The following NLRP2 variants were observed in gnomAD, a reference collection of about 807,000 sequenced individuals.
NLRP2 encodes the protein NLR family pyrin domain containing 2.
A neutral mutation model predicts 97.2 loss-of-function variants in NLRP2; 107 were observed. The observed-to-expected ratio is 1.10, with a 90% CI of 0.94 to 1.29. NLRP2 has a LOEUF of 1.29. Among genes scored for constraint, NLRP2 ranks in the 50% most tolerant of loss-of-function variants. The pLI, the probability that NLRP2 is intolerant of heterozygous loss-of-function variation, is 0.00. For synonymous variants in NLRP2, 663 were observed against 551.5 expected, an observed-to-expected ratio of 1.20 and a Z score of -2.83; for missense variants, 1,495 against 1,330.3, an observed-to-expected ratio of 1.12 and a Z score of -1.93.
At chr19:54,995,272 C>T (rs1042275386) in intron 11 of NLRP2, among the ~76,000 whole-genome samples, 1 of 144,562 alleles carries the variant, frequency 6.9e-6, no homozygotes, top group Non-Finnish European at 1.5e-5. Flanking sequence ...CTCACTGCAA[C>T]CTCCACCTCC....
rs117573876 is a variant in NLRP2, at chr19:54,993,786, G to A, written c.2709-483G>A. 7.1e-3 allele frequency: 1,848 copies of A among 259,766 alleles called. 22 individuals are homozygous for A. The highest frequency in any genetic ancestry group is 0.028 in the Admixed American group (552 of 19,792). The allele number at this position is 259,766 out of a possible 1,614,324, so 16.1% of individuals were successfully genotyped here. ...CGGAAGGCTGGGGCACAAGAATCGC[G>A]TGAAACCAGGAGGCGGAGGTTGAAG... is the stretch of plus-strand genomic sequence containing the variant. On this transcript the variant is annotated intron_variant, in intron 10 of 12. Transcript: ENST00000448584.
intron 10 of NLRP2, among the ~76,000 whole-genome samples, chr19:54,992,496 G>T (rs2072538137): frequency 7.4e-6 from 1 of 136,036 alleles, no homozygotes. Flanking sequence ...TAGTTTTTTT[G>T]GTTGTGTGTG....
intron 2 of NLRP2, chr19:54,973,807 TCA>T: frequency 1.7e-6 from 1 of 599,114 alleles, no homozygotes; most frequent in Non-Finnish European, 3.2e-6. Flanking sequence ...CCAATAGCGC[TCA>T]CACAGACATG....
chr19:54,990,850 G>C (rs2072429565), intron 10 of NLRP2, 178 bp downstream of exon 10: 11 of 680,596 alleles, frequency 1.6e-5, no homozygotes, highest in Non-Finnish European at 2.7e-5. Flanking sequence ...AGTAGTAGTA[G>C]AGTAGTAGTA....
chr19:54,986,328 A>C lies in NLRP2; in HGVS notation c.2366+13A>C, dbSNP rs2072084182. On this transcript the variant is annotated intron_variant, in intron 8 of 12. Transcript: ENST00000448584. ...TGCGATATCTCGGGTATATCTCTTA[A>C]TCATTAAAATCCTTCATCATACAAA... 6.2e-7 allele frequency: 1 copy of C among 1,609,540 alleles called. No homozygotes were observed. The highest frequency in any genetic ancestry group is 1.3e-5 in the African/African-American group (1 of 74,924).
At chr19:54,972,960 G>A (rs188563751) in intron 2 of NLRP2, among the ~76,000 whole-genome samples, 65 of 152,168 alleles carry the variant, frequency 4.3e-4, no homozygotes, top group Middle Eastern at 3.4e-3. Context: ...AGGCCAAGGC[G>A]GGTGGATCAC....
At chr19:54,969,970 C>T (rs1432051256) in intron 1 of NLRP2, 29 bp from the exon 2 acceptor site, 2 of 1,607,932 alleles carry the variant, frequency 1.2e-6, no homozygotes, top group Admixed American at 1.7e-5. Context: ...CACCATCCCT[C>T]TCCACTCCTC....
In NLRP2 at chr19:54,993,634, C is replaced by T. The variant is rs139247654; in HGVS notation, c.2709-635C>T. 3.1e-5 allele frequency: 5 copies of T among 161,012 alleles called. No homozygotes were observed. In the East Asian group the frequency reaches 8.9e-4, roughly 29 times the overall value. The allele number at this position is 161,012 out of a possible 1,614,324, so 10.0% of individuals were successfully genotyped here. A position where few individuals can be genotyped will look rare whatever the true frequency, so the allele number is the denominator to read the frequency against. On this transcript the variant is annotated intron_variant, in intron 10 of 12. Transcript: ENST00000448584. ...CCAGGGTGGGCAGATCATCTGAGGT[C>T]GGGAGTTCAAGACCAGCCTGGCCAA...
At chr19:54,997,891 T>C (rs1000863419) in intron 12 of NLRP2, among the ~76,000 whole-genome samples, 1 of 151,042 alleles carries the variant, frequency 6.6e-6, no homozygotes, top group African/African-American at 2.4e-5. Context: ...CCTGAGTAGG[T>C]AGGTTTATAA....
At chr19:54,985,002 T>C in intron 6 of NLRP2, 45 bp from the exon 7 acceptor site, 1 of 1,596,218 alleles carries the variant, frequency 6.3e-7, no homozygotes, top group Non-Finnish European at 8.6e-7. Context: ...ACTTCAGCCG[T>C]GATGGACACA....
Position 54,974,519 on chromosome 19 carries a change from T to G in NLRP2, c.300T>G (p.Phe100Leu), listed in dbSNP as rs777429529. 1.9e-6 allele frequency: 3 copies of G among 1,611,590 alleles called. No individual in the cohort carries two copies. The highest frequency in any genetic ancestry group is 8.5e-7 in the Non-Finnish European group (1 of 1,177,702). ...DEVREAALKSFNKRKPLSLGI... is the reference protein window; with the variant it reads ...DEVREAALKSLNKRKPLSLGI... ...TTTCAGAAGCAGCTTTGAAATCCTT[T>G]AATAAAAGGAAGCCTCTATCATTAG... Residue 100 changes from phenylalanine (F) to leucine (L), a missense_variant, in exon 3 of 13, where the codon TTT (phenylalanine) becomes TTG (leucine). Phe to Leu is a conservative substitution (Grantham distance 22, BLOSUM62 0). Transcript: ENST00000448584.
At position 54,982,188 on chromosome 19, in the gene NLRP2, T is replaced by C. The variant is rs2071617394; in HGVS notation, c.490T>C (p.Leu164=). Residue 164 remains leucine, a synonymous_variant, in exon 6 of 13, where the codon TTG becomes CTG. Coordinates refer to ENST00000448584, the MANE Select transcript of NLRP2 (RefSeq NM_017852.5). ...CAAAGACAATAGGTGCAGGTATATATTGAAGACGAAGTTCCGGGAGATGTG... is the reference window on the plus strand; with the variant it reads ...CAAAGACAATAGGTGCAGGTATATACTGAAGACGAAGTTCCGGGAGATGTG... ...PDKDNRCRYI[L]KTKFREMWKS... 4.3e-6 allele frequency: 7 copies of C among 1,614,120 alleles called. No individual in the cohort carries two copies. Among genetic ancestry groups the C allele is most frequent in the Non-Finnish European group, 5.9e-6 (7 of 1,180,038 alleles).
intron 12 of NLRP2, among the ~76,000 whole-genome samples, chr19:54,999,367 G>A (rs1041259636): frequency 1.0e-3 from 159 of 152,126 alleles, no homozygotes; most frequent in African/African-American, 3.7e-3. Context: ...GGCTGGTCTC[G>A]AACTCCTGAC....
At position 54,982,152 on chromosome 19, in the gene NLRP2, A is replaced by C; in HGVS notation, c.464-10A>C. Reference sequence around the variant, plus strand: ...ATCCTCTCTCCCTTCCCTCCTCACCAATGATAAAGACAAAGACAATAGGTG... The same window carrying C: ...ATCCTCTCTCCCTTCCCTCCTCACCCATGATAAAGACAAAGACAATAGGTG... On this transcript the variant is annotated splice_polypyrimidine_tract_variant and intron_variant, in intron 5 of 12. Coordinates refer to ENST00000448584, the MANE Select transcript of NLRP2 (RefSeq NM_017852.5). 6.2e-7 allele frequency: 1 copy of C among 1,613,988 alleles called. No individual in the cohort carries two copies. The highest frequency in any genetic ancestry group is 1.1e-5 in the South Asian group (1 of 91,076).
intron 7 of NLRP2, among the ~76,000 whole-genome samples, chr19:54,985,694 A>G (rs562903740): frequency 1.1e-3 from 145 of 135,684 alleles, no homozygotes; most frequent in East Asian, 6.1e-3. Context: ...AAAAAAAAAA[A>G]AAAAGAAAAA....
intron 10 of NLRP2, among the ~76,000 whole-genome samples, chr19:54,992,041 T>G (rs1048639558): frequency 6.7e-6 from 1 of 149,774 alleles, no homozygotes; most frequent in Admixed American, 6.7e-5. Context: ...CTCAGCCTCC[T>G]GAGTAGCTGG....
chr19:54,985,635 GCC>G (rs1396261812), intron 7 of NLRP2, among the ~76,000 whole-genome samples: 1 of 137,364 alleles, frequency 7.3e-6, no homozygotes, highest in Non-Finnish European at 1.5e-5. Flanking sequence ...CCAAGATCCT[GCC>G]ACTGGACTCC....
Position 54,970,370 on chromosome 19 carries a change from G to A in NLRP2, c.280+75G>A, listed in dbSNP as rs746604024. On this transcript the variant is annotated intron_variant, in intron 2 of 12. Coordinates refer to ENST00000448584, the MANE Select transcript of NLRP2 (RefSeq NM_017852.5). ...CTCCAGGACTTTAGAAATTCAGAAG[G>A]CCAGGCGCGCTGGCTCACGCCTGTC... is the stretch of plus-strand genomic sequence containing the variant. The A allele has an allele frequency of 1.4e-5, 22 of 1,565,496 alleles. No individual in the cohort carries two copies. The East Asian group carries it at 3.6e-4, about 25-fold the overall frequency.
chr19:54,999,578 TAATC>T (rs1414089343), intron 12 of NLRP2, among the ~76,000 whole-genome samples: 1 of 152,102 alleles, frequency 6.6e-6, no homozygotes, highest in Non-Finnish European at 1.5e-5. Flanking sequence ...CTGTGTATGA[TAATC>T]AACAAGCATC....
Sources: gnomAD v4.1 joint callset for allele counts (sites outside exome capture counted in the v4.1 genomes callset) on GRCh38, gnomAD v4.1.1 for gene constraint, MANE v1.5 for transcripts, NCBI Gene and HGNC (gene_info 2026-07-23, HGNC 2026-07-21) for gene names.